PRKDC: variants seen among roughly 807,000 people sequenced by gnomAD.
PRKDC encodes protein kinase, DNA-activated, catalytic subunit, also known as DNA-dependent protein kinase catalytic subunit.
Under a neutral mutation model 486.9 loss-of-function variants are expected in PRKDC, and 82 were observed. That is an observed-to-expected ratio of 0.17 (90% CI 0.14 to 0.20). The LOEUF (loss-of-function observed/expected upper bound fraction) is 0.20, where lower values mean the gene tolerates loss of function less well. Among genes scored for constraint, PRKDC ranks in the 10% least tolerant of loss-of-function variants. The pLI is 1.00. For synonymous variants in PRKDC, 1,895 were observed against 1,837.0 expected, an observed-to-expected ratio of 1.03 and a Z score of -0.81; for missense variants, 4,504 against 5,038.2, an observed-to-expected ratio of 0.89 and a Z score of 3.21.
At chr8:47,892,971 C>T (rs932970409) in intron 31 of PRKDC, among the ~76,000 whole-genome samples, 168 bp downstream of exon 31, 8 of 152,166 alleles carry the variant, frequency 5.3e-5, no homozygotes, top group Non-Finnish European at 1.5e-5. Flanking sequence ...TATTTGTCAA[C>T]TTTGAAGTGT....
At chr8:47,916,305 A>G (rs1450692392) in intron 22 of PRKDC, among the ~76,000 whole-genome samples, 4 of 152,070 alleles carry the variant, frequency 2.6e-5, no homozygotes, top group Non-Finnish European at 4.4e-5. Flanking sequence ...ACAATTAGCC[A>G]GGCGTGGTGG....
chr8:47,955,379 G>A (rs569606607), intron 4 of PRKDC, among the ~76,000 whole-genome samples: 65 of 138,716 alleles, frequency 4.7e-4, no homozygotes, highest in Admixed American at 4.1e-3. Context: ...GGAGAATGGC[G>A]TGAACCCGGG....
chr8:47,795,179 C>A (rs1299135686), intron 73 of PRKDC, among the ~76,000 whole-genome samples: 2 of 149,798 alleles, frequency 1.3e-5, no homozygotes, highest in Admixed American at 6.7e-5. Context: ...AGCCACCGTG[C>A]CTGGCCAACT....
intron 31 of PRKDC, among the ~76,000 whole-genome samples, chr8:47,891,179 G>T (rs1368661840): frequency 6.6e-6 from 1 of 152,142 alleles, no homozygotes; most frequent in Non-Finnish European, 1.5e-5. Context: ...CAGTCTAACT[G>T]TAGTTTATTA....
intron 23 of PRKDC, 60 bp downstream of exon 23, chr8:47,915,268 T>C: frequency 1.1e-6 from 1 of 926,812 alleles, no homozygotes; most frequent in African/African-American, 1.7e-5. Flanking sequence ...ATGACCTGGA[T>C]ACATCCAAAT....
chr8:47,821,845 T>C (rs1285333537), intron 64 of PRKDC, 53 bp from the exon 65 acceptor site: 35 of 1,397,222 alleles, frequency 2.5e-5, no homozygotes, highest in Non-Finnish European at 3.4e-5. Flanking sequence ...AGAATACCAA[T>C]GAGAACACGT....
At chr8:47,808,855 A>G (rs982617346) in intron 68 of PRKDC, among the ~76,000 whole-genome samples, 3 of 151,862 alleles carry the variant, frequency 2.0e-5, no homozygotes, top group African/African-American at 7.3e-5. Context: ...TGGGCAACAT[A>G]GTGATACCTC....
chr8:47,847,403 A>T (rs1332164751), intron 54 of PRKDC, among the ~76,000 whole-genome samples: 1 of 152,224 alleles, frequency 6.6e-6, no homozygotes, highest in Non-Finnish European at 1.5e-5. Context: ...GCTGTGGGGA[A>T]AAGATGCCTC....
At chr8:47,834,722 G>A (rs1262407940) in intron 58 of PRKDC, among the ~76,000 whole-genome samples, 2 of 127,476 alleles carry the variant, frequency 1.6e-5, no homozygotes, top group Non-Finnish European at 1.5e-5. Context: ...ACGGAGTCTC[G>A]CTCTGTGGCC....
intron 21 of PRKDC, chr8:47,926,932 G>A (rs2090166380): frequency 2.8e-6 from 1 of 351,838 alleles, no homozygotes; most frequent in South Asian, 5.5e-5. Flanking sequence ...TCAAGGTATT[G>A]AAGACAGTAC....
At chr8:47,812,006 T>G (rs1042012582) in intron 68 of PRKDC, among the ~76,000 whole-genome samples, 5 of 152,184 alleles carry the variant, frequency 3.3e-5, no homozygotes, top group Non-Finnish European at 7.3e-5. Context: ...CCGTGGCATG[T>G]GTATACCTAT....
chr8:47,947,682 T>C (rs1384218658), intron 7 of PRKDC, among the ~76,000 whole-genome samples: 1 of 152,138 alleles, frequency 6.6e-6, no homozygotes, highest in Non-Finnish European at 1.5e-5. Flanking sequence ...CCAAGGCAGG[T>C]GGATTGCTTG....
At chr8:47,889,495 G>A (rs1291654423) in intron 32 of PRKDC, among the ~76,000 whole-genome samples, 2 of 152,250 alleles carry the variant, frequency 1.3e-5, no homozygotes, top group Admixed American at 6.5e-5. Flanking sequence ...GGAGCAGGCA[G>A]CAGGTGAGGT....
rs1037182844 is a variant in PRKDC, at chr8:47,840,099, G to A, written c.7371C>T (p.Pro2457=). 10 of 1,584,584 alleles carry A rather than the reference G, an allele frequency of 6.3e-6. No homozygotes were observed. Among genetic ancestry groups the A allele is most frequent in the Middle Eastern group, 1.7e-4 (1 of 6,046 alleles). ...KPVELRELLN[P]VVEFVSHPST... ...AAGGATGGGAAACGAATTCCACAAC[G>A]GGGTTCAGAAGTTCTCGGAGTTCTA... is the stretch of plus-strand genomic sequence containing the variant. The change falls in exon 55 of 86, where the codon CCC becomes CCT. Residue 2457 remains proline, a synonymous_variant. Coordinates refer to ENST00000314191, the MANE Select transcript of PRKDC (RefSeq NM_006904.7).
intron 10 of PRKDC, 49 bp from the exon 11 acceptor site, chr8:47,939,746 A>C (rs750552051): frequency 1.4e-6 from 2 of 1,407,318 alleles, no homozygotes; most frequent in Admixed American, 4.7e-5. Context: ...ATAGCAATGG[A>C]ATCTATACAA....
chr8:47,795,334 C>T (rs572577983), intron 73 of PRKDC, among the ~76,000 whole-genome samples: 165 of 149,604 alleles, frequency 1.1e-3, no homozygotes, highest in South Asian at 3.8e-3. Context: ...GGACTACAGG[C>T]GCCTGCCACC....
intron 10 of PRKDC, 83 bp from the exon 11 acceptor site, chr8:47,939,780 A>T (rs2090412496): frequency 8.6e-7 from 1 of 1,169,310 alleles, no homozygotes; most frequent in African/African-American, 1.6e-5. Context: ...AGAACTGTTT[A>T]GATGCTACTA....
rs532493393 is a variant in PRKDC at position 47,792,387 on chromosome 8, T to C, written c.10670+1903A>G. On this transcript the variant is annotated intron_variant, in intron 74 of 85. Transcript: ENST00000314191. ...CATTCTCCTGCCTCAGCCTCCCAAGTAGCTGGGACTATAGGCACCTGCCAC... is the reference window on the plus strand; with the variant it reads ...CATTCTCCTGCCTCAGCCTCCCAAGCAGCTGGGACTATAGGCACCTGCCAC... 1.7e-4 allele frequency among the ~76,000 whole-genome samples: 26 copies of C among 151,812 alleles called. 1 individual carries two copies. The South Asian group carries it at 4.8e-3, about 28-fold the overall frequency.
At chr8:47,855,394 T>G (rs2088511750) in intron 49 of PRKDC, 21 bp from the exon 50 acceptor site, 5 of 1,560,082 alleles carry the variant, frequency 3.2e-6, no homozygotes, top group African/African-American at 1.4e-5. Flanking sequence ...ACAGAAATTC[T>G]GTATTAATAT....
Sources: allele counts gnomAD v4.1 joint callset (sites outside exome capture counted in the v4.1 genomes callset), GRCh38; gene constraint gnomAD v4.1.1; transcripts MANE v1.5; gene names NCBI Gene and HGNC (gene_info 2026-07-23, HGNC 2026-07-21).